The following LMF1 variants were observed in gnomAD, a reference collection of about 807,000 sequenced individuals.
LMF1 encodes the protein lipase maturation factor 1, also known as transmembrane protein 112.
In LMF1, 68 loss-of-function variants were observed where a neutral mutation model predicts 60.6. The observed-to-expected ratio is 1.12, with a 90% CI of 0.92 to 1.37. The LOEUF (loss-of-function observed/expected upper bound fraction) is 1.37. Ranked by LOEUF, LMF1 falls within the 40% of genes most tolerant of loss-of-function variation. The pLI, the probability that LMF1 is intolerant of heterozygous loss-of-function variation, is 0.00. For synonymous variants in LMF1, 418 were observed against 324.7 expected (o/e 1.29, Z -3.09); for missense variants, 948 against 767.2 (o/e 1.24, Z -2.78).
intron 10 of LMF1, among the ~76,000 whole-genome samples, chr16:867,361 G>T (rs146968929): frequency 6.6e-6 from 1 of 152,204 alleles, no homozygotes; most frequent in Non-Finnish European, 1.5e-5. Context: ...TGCTTGGCCA[G>T]AAGAGGCTTC....
At position 874,117 on chromosome 16, in the gene LMF1, A is replaced by G. The variant is rs2069896465; in HGVS notation, c.898-2776T>C. On this transcript the variant is annotated intron_variant, in intron 6 of 10. Transcript: ENST00000262301. The surrounding 1 kb of genome is among the most constrained non-coding windows in gnomAD (Gnocchi z 4.1). ...GGAACCAGGCGGAGGCGGCGGTTGC[A>G]TCACGCTGTGAACGTGCTGGAGGCC... Among the ~76,000 whole-genome samples the G allele has an allele frequency of 6.6e-6, 1 of 152,200 alleles. No homozygotes were observed. The highest frequency in any genetic ancestry group is 1.5e-5 in the Non-Finnish European group (1 of 68,036).
intron 2 of LMF1, among the ~76,000 whole-genome samples, chr16:952,104 G>C (rs1014161827): frequency 1.7e-4 from 26 of 152,300 alleles, no homozygotes; most frequent in African/African-American, 5.5e-4. Context: ...CCACGTTGTG[G>C]GTGCCCAAGG....
Position 853,969 on chromosome 16 carries a change from G to A in LMF1, c.*563C>T, listed in dbSNP as rs2069117521. The A allele has an allele frequency of 2.2e-6, 1 of 453,972 alleles. No homozygotes were observed. Among genetic ancestry groups the A allele is most frequent in the African/African-American group, 2.0e-5 (1 of 49,998 alleles). The allele number at this position is 453,972 out of a possible 1,614,324, so 28.1% of individuals were successfully genotyped here. On this transcript the variant is annotated 3_prime_UTR_variant, in exon 11 of 11. Transcript: ENST00000262301. ...GCGTGTAGGCTGTGGCGGGGGTGGA[G>A]ATGAGGGATAGGACAGAAAATGGCC...
chr16:861,954 CCTT>C (rs908255549), intron 10 of LMF1, among the ~76,000 whole-genome samples: 2 of 152,196 alleles, frequency 1.3e-5, no homozygotes, highest in Admixed American at 6.5e-5. Context: ...AAGTTCCTCT[CCTT>C]CTCTGTTTTT....
At chr16:970,012 C>T (rs2073007809) in intron 1 of LMF1, among the ~76,000 whole-genome samples, 1 of 152,186 alleles carries the variant, frequency 6.6e-6, no homozygotes. Context: ...GGGCCCCGCA[C>T]AGCTGTGGGG....
At chr16:914,978 GT>G (rs2071239519) in intron 3 of LMF1, among the ~76,000 whole-genome samples, 2 of 152,258 alleles carry the variant, frequency 1.3e-5, no homozygotes, top group South Asian at 4.1e-4. Context: ...CTAAATCGGC[GT>G]CTCTAAGGAC....
At chr16:880,727 C>T (rs991771064) in intron 5 of LMF1, among the ~76,000 whole-genome samples, 1 of 152,250 alleles carries the variant, frequency 6.6e-6, no homozygotes, top group African/African-American at 2.4e-5. Flanking sequence ...GGAGTGAGAA[C>T]ACCCCACTGG....
chr16:894,583 G>A (rs190133020), intron 4 of LMF1, among the ~76,000 whole-genome samples: 163 of 152,322 alleles, frequency 1.1e-3, no homozygotes, highest in Non-Finnish European at 1.8e-3. Flanking sequence ...GAGGAAGGAC[G>A]GCCACCAGTC....
intron 5 of LMF1, among the ~76,000 whole-genome samples, chr16:887,549 G>C (rs767775767): frequency 5.3e-5 from 8 of 152,136 alleles, no homozygotes; most frequent in African/African-American, 1.9e-4. Flanking sequence ...ATGTCCCTGG[G>C]GGGCGTCCAC....
intron 1 of LMF1, chr16:979,246 G>A (rs887569275): frequency 1.6e-5 from 6 of 375,856 alleles, no homozygotes; most frequent in Non-Finnish European, 3.2e-5. Context: ...CATTTTCCTG[G>A]GGACTTCAAG....
chr16:977,847 T>C (rs966248286), intron 1 of LMF1, among the ~76,000 whole-genome samples: 1 of 133,574 alleles, frequency 7.5e-6, no homozygotes, highest in Non-Finnish European at 1.6e-5. Context: ...ACCATACACA[T>C]GCACACCACA....
At chr16:939,090 G>A (rs1480724887) in intron 2 of LMF1, among the ~76,000 whole-genome samples, 1 of 152,132 alleles carries the variant, frequency 6.6e-6, no homozygotes, top group African/African-American at 2.4e-5. Flanking sequence ...AAAGGGGAAC[G>A]GCAAAGGCAA....
At chr16:970,331 G>C (rs1322529272) in intron 1 of LMF1, among the ~76,000 whole-genome samples, 2 of 152,196 alleles carry the variant, frequency 1.3e-5, no homozygotes, top group Non-Finnish European at 2.9e-5. Flanking sequence ...TCAGCACAGC[G>C]CTGTGTCGGG....
intron 2 of LMF1, among the ~76,000 whole-genome samples, chr16:937,448 T>C (rs575567299): frequency 1.3e-5 from 2 of 151,870 alleles, no homozygotes; most frequent in South Asian, 4.1e-4. Flanking sequence ...TGCTCCCCTG[T>C]GAGCCTCCAC....
intron 4 of LMF1, chr16:893,397 A>G (rs895953736): frequency 1.2e-5 from 6 of 482,772 alleles, no homozygotes; most frequent in Admixed American, 2.3e-5. Flanking sequence ...AAAGAGGACA[A>G]ATGCACCACG....
At chr16:960,239 A>G (rs1349227938) in intron 1 of LMF1, among the ~76,000 whole-genome samples, 1 of 152,264 alleles carries the variant, frequency 6.6e-6, no homozygotes, top group African/African-American at 2.4e-5. Flanking sequence ...TCAAAGCTGG[A>G]GGAGCTGAGC....
intron 10 of LMF1, chr16:855,788 G>A (rs1384228841): frequency 4.4e-6 from 2 of 456,058 alleles, no homozygotes; most frequent in Admixed American, 4.7e-5. Context: ...CCAGGGCCCG[G>A]TAGCGACTGT....
chr16:873,961 A>G (rs1450059003), intron 6 of LMF1: 1 of 152,296 alleles, frequency 6.6e-6, no homozygotes, highest in Non-Finnish European at 1.5e-5. Flanking sequence ...GAGGCCGCAC[A>G]TTGTAGGATG....
intron 10 of LMF1, chr16:855,522 A>G (rs1463438143): frequency 5.5e-6 from 2 of 362,266 alleles, no homozygotes; most frequent in East Asian, 1.5e-4. Context: ...CCTCATGTCC[A>G]GGGTTGCTCG....
Sources: gnomAD v4.1 joint callset for allele counts (sites outside exome capture counted in the v4.1 genomes callset) on GRCh38, gnomAD v4.1.1 for gene constraint, Gnocchi (gnomAD v3.1) non-coding constraint, MANE v1.5 for transcripts, NCBI Gene and HGNC (gene_info 2026-07-23, HGNC 2026-07-21) for gene names.